Variants in TRAPPC9 observed in about 807,000 individuals in gnomAD.
TRAPPC9 encodes trafficking protein particle complex subunit 9, also known as IKK2 binding protein.
Under a neutral mutation model 124.0 loss-of-function variants are expected in TRAPPC9, and 83 were observed. The ratio of observed to expected loss-of-function variants is 0.67; its 90% CI spans 0.56 to 0.80. The LOEUF (loss-of-function observed/expected upper bound fraction) is 0.80. Ranked by LOEUF, TRAPPC9 falls within the 30% of genes least tolerant of loss-of-function variation. The pLI is 0.00. For synonymous variants in TRAPPC9, 638 were observed against 617.5 expected, an observed-to-expected ratio of 1.03 and a Z score of -0.49; for missense variants, 1,302 against 1,508.3, an observed-to-expected ratio of 0.86 and a Z score of 2.27.
chr8:139,793,044 C>T (rs564499882), intron 21 of TRAPPC9, among the ~76,000 whole-genome samples: 18 of 152,266 alleles, frequency 1.2e-4, no homozygotes, highest in African/African-American at 4.3e-4. Flanking sequence ...CACTGAGATG[C>T]GCACCCAGCC....
At chr8:139,761,161 A>G (rs1433376582) in intron 21 of TRAPPC9, among the ~76,000 whole-genome samples, 1 of 152,224 alleles carries the variant, frequency 6.6e-6, no homozygotes, top group East Asian at 1.9e-4. Context: ...AGGCAATGTC[A>G]GGTCCCTGAA....
At chr8:140,311,525 G>A in intron 9 of TRAPPC9, 151 bp from the exon 10 acceptor site, 1 of 879,076 alleles carries the variant, frequency 1.1e-6, no homozygotes, top group Non-Finnish European at 1.8e-6. Context: ...CCAGAACAAA[G>A]CAGAAGCCAT....
chr8:139,851,970 T>G (rs764753852), intron 21 of TRAPPC9, among the ~76,000 whole-genome samples: 1 of 152,136 alleles, frequency 6.6e-6, no homozygotes, highest in Non-Finnish European at 1.5e-5. Context: ...CTGATATGGT[T>G]TGGCTGTGTC....
intron 21 of TRAPPC9, among the ~76,000 whole-genome samples, chr8:139,773,131 G>A (rs1325881913): frequency 1.3e-5 from 2 of 152,222 alleles, no homozygotes; most frequent in Admixed American, 1.3e-4. Context: ...AGGAGCACTG[G>A]CTGCCTCGGG....
intron 3 of TRAPPC9, among the ~76,000 whole-genome samples, chr8:140,435,957 A>G (rs73713128): frequency 0.014 from 2,098 of 152,366 alleles, 45 homozygotes; most frequent in African/African-American, 0.047. Context: ...TTAGGATCAC[A>G]AAGAGCTTTT....
At chr8:139,832,587 C>A (rs1222941830) in intron 21 of TRAPPC9, among the ~76,000 whole-genome samples, 3 of 152,212 alleles carry the variant, frequency 2.0e-5, no homozygotes, top group Non-Finnish European at 4.4e-5. Context: ...TCAGCGAGCT[C>A]TTTGCCAAGG....
chr8:140,172,862 C>T (rs1443108744), intron 17 of TRAPPC9, among the ~76,000 whole-genome samples: 4 of 152,160 alleles, frequency 2.6e-5, no homozygotes, highest in African/African-American at 9.7e-5. Context: ...CAACAGCTAC[C>T]AAGTGCTCAG....
chr8:140,376,090 A>T (rs1314808576), intron 7 of TRAPPC9, among the ~76,000 whole-genome samples: 1 of 152,228 alleles, frequency 6.6e-6, no homozygotes, highest in Non-Finnish European at 1.5e-5. Context: ...GGTATGAGGC[A>T]TGCACCAAGG....
intron 14 of TRAPPC9, among the ~76,000 whole-genome samples, chr8:140,278,287 G>A (rs1012080414): frequency 6.6e-6 from 1 of 152,082 alleles, no homozygotes; most frequent in Admixed American, 6.5e-5. Context: ...TGTATTTTTA[G>A]TAGAGATGGG....
At chr8:140,135,487 C>G (rs554815783) in intron 17 of TRAPPC9, among the ~76,000 whole-genome samples, 1 of 152,322 alleles carries the variant, frequency 6.6e-6, no homozygotes, top group South Asian at 2.1e-4. Context: ...TATGCCACAA[C>G]ATGAATGAAC....
intron 1 of TRAPPC9, 36 bp from the exon 2 acceptor site, chr8:140,451,419 G>A (rs764479570): frequency 6.4e-7 from 1 of 1,551,396 alleles, no homozygotes. Flanking sequence ...GTGAGACACA[G>A]AGTCCTGAGT....
intron 17 of TRAPPC9, among the ~76,000 whole-genome samples, chr8:140,059,597 G>A (rs543335569): frequency 3.3e-5 from 5 of 152,264 alleles, no homozygotes; most frequent in East Asian, 3.9e-4. Flanking sequence ...CCTATCATAC[G>A]CCACTGGTCT....
intron 2 of TRAPPC9, among the ~76,000 whole-genome samples, chr8:140,440,025 ACT>A (rs1465822182): frequency 1.3e-5 from 2 of 152,186 alleles, no homozygotes; most frequent in Admixed American, 1.3e-4. Context: ...ATCATGTGTA[ACT>A]CTAACGAGTT....
chr8:140,277,281 G>A (rs77647971), intron 14 of TRAPPC9, among the ~76,000 whole-genome samples: 2,415 of 152,282 alleles, frequency 0.016, 58 homozygotes, highest in African/African-American at 0.053. Context: ...CCAAATTTTG[G>A]TGAAACAATT....
rs1385728935 is a variant in TRAPPC9, at chr8:139,730,884, G to A, written c.*177C>T. 2 of 691,506 alleles carry A rather than the reference G, an allele frequency of 2.9e-6. No homozygotes were observed. The highest frequency in any genetic ancestry group is 1.8e-5 in the African/African-American group (1 of 55,810). 42.8% of individuals were successfully genotyped at this position (691,506 alleles called of 1,614,324 possible). ...ATGGGGTGGGGCTGCCATGTCCGGG[G>A]CTTCTGCGTAGCCCAGCAAAGATGC... is the stretch of plus-strand genomic sequence containing the variant. On this transcript the variant is annotated 3_prime_UTR_variant, in exon 23 of 23. Coordinates refer to ENST00000438773, the MANE Select transcript of TRAPPC9 (RefSeq NM_001160372.4).
At chr8:140,129,555 G>T (rs2061166490) in intron 17 of TRAPPC9, among the ~76,000 whole-genome samples, 1 of 152,192 alleles carries the variant, frequency 6.6e-6, no homozygotes. Flanking sequence ...CGAGCTGCGT[G>T]GGCAGGATGT....
intron 19 of TRAPPC9, among the ~76,000 whole-genome samples, chr8:139,930,947 T>C (rs1266635886): frequency 1.3e-5 from 2 of 151,796 alleles, no homozygotes; most frequent in Non-Finnish European, 2.9e-5. Flanking sequence ...CTTTCATAGG[T>C]ATGGAAAAAG....
chr8:140,325,887 C>T (rs572625602), intron 9 of TRAPPC9, among the ~76,000 whole-genome samples: 1 of 152,278 alleles, frequency 6.6e-6, no homozygotes, highest in Admixed American at 6.5e-5. Flanking sequence ...TCAGGATCCA[C>T]TGAGGAAGAG....
Position 140,232,056 on chromosome 8 carries a change from G to T in TRAPPC9, c.2432-10473C>A, listed in dbSNP as rs561656147. On this transcript the variant is annotated intron_variant, in intron 16 of 22. Coordinates refer to ENST00000438773, the MANE Select transcript of TRAPPC9 (RefSeq NM_001160372.4). Reference sequence around the variant, plus strand: ...CCTAAAGTGCTGGGATTACAGGCGTGAGCCACTGTGCCCAGCCTGTTTTTT... The same window carrying T: ...CCTAAAGTGCTGGGATTACAGGCGTTAGCCACTGTGCCCAGCCTGTTTTTT... Among the ~76,000 whole-genome samples, 17 of 151,916 alleles carry T rather than the reference G, an allele frequency of 1.1e-4. 1 individual carries two copies. Among genetic ancestry groups the T allele is most frequent in the Admixed American group, 7.9e-4 (12 of 15,268 alleles).
Sources: gnomAD v4.1 joint callset for allele counts (sites outside exome capture counted in the v4.1 genomes callset) on GRCh38, gnomAD v4.1.1 for gene constraint, MANE v1.5 for transcripts, NCBI Gene and HGNC (gene_info 2026-07-23, HGNC 2026-07-21) for gene names.